The following SATB2 variants were observed in gnomAD, a reference collection of about 807,000 sequenced individuals.
The protein encoded by SATB2 is DNA-binding protein SATB2.
SATB2 carries 1 observed loss-of-function variant against 73.4 expected under a neutral mutation model. The ratio of observed to expected loss-of-function variants is 0.01; its 90% CI spans 0.00 to 0.06. SATB2 has a LOEUF of 0.06. SATB2 is among the 10% of genes least tolerant of loss of function. The pLI, the probability that SATB2 is intolerant of heterozygous loss-of-function variation, is 1.00. For missense variants in SATB2, 459 were observed against 945.8 expected (o/e 0.49, Z 6.75); for synonymous variants, 397 against 367.0 (o/e 1.08, Z -0.93).
chr2:199,281,260 A>ATG (rs1338096142), intron 10 of SATB2, among the ~76,000 whole-genome samples: 250 of 24,902 alleles, frequency 0.01, no homozygotes, highest in African/African-American at 0.011. Context: ...GTGTGTATGT[A>ATG]TGTATGTGTG....
At chr2:199,376,934 G>A (rs1484349822) in intron 5 of SATB2, among the ~76,000 whole-genome samples, 1 of 152,170 alleles carries the variant, frequency 6.6e-6, no homozygotes, top group Non-Finnish European at 1.5e-5. Flanking sequence ...GTGTCAAACT[G>A]AAGGACTCTA....
chr2:199,439,223 T>G (rs1691738527), intron 2 of SATB2, among the ~76,000 whole-genome samples: 1 of 152,268 alleles, frequency 6.6e-6, no homozygotes, highest in African/African-American at 2.4e-5. Context: ...AAATCAGCAC[T>G]GTCTCCAGCC....
chr2:199,330,675 C>G (rs536621842), intron 7 of SATB2, among the ~76,000 whole-genome samples: 1 of 152,182 alleles, frequency 6.6e-6, no homozygotes, highest in African/African-American at 2.4e-5. Context: ...CTGCCTAAAG[C>G]TATCCTACTT....
intron 10 of SATB2, among the ~76,000 whole-genome samples, chr2:199,277,443 A>T (rs1456227573): frequency 1.3e-5 from 2 of 152,218 alleles, no homozygotes; most frequent in Admixed American, 1.3e-4. Flanking sequence ...TGGAATATTT[A>T]ATTCTGTAAG....
At chr2:199,293,782 T>C (rs1018529955) in intron 10 of SATB2, among the ~76,000 whole-genome samples, 5 of 152,134 alleles carry the variant, frequency 3.3e-5, no homozygotes, top group Admixed American at 1.3e-4. Context: ...ACCACTGCCA[T>C]GATTTACCAC....
At chr2:199,347,019 C>G (rs992351268) in intron 7 of SATB2, 1 of 151,968 alleles carries the variant, frequency 6.6e-6, no homozygotes, top group East Asian at 1.9e-4. Context: ...CGCATCACCA[C>G]GCCCAGCTAA....
chr2:199,467,170 C>T (rs4675614), upstream of SATB2, among the ~76,000 whole-genome samples: 715 of 152,354 alleles, frequency 4.7e-3, 30 homozygotes, highest in East Asian at 0.065. Context: ...TCAGGCCTTT[C>T]TAATACAGGC....
chr2:199,433,584 G>A (rs1244614682), intron 2 of SATB2, 70 bp from the exon 3 acceptor site: 2 of 1,416,800 alleles, frequency 1.4e-6, no homozygotes, highest in Non-Finnish European at 2.0e-6. Flanking sequence ...CGATGAGAAG[G>A]GAAGCAACAG....
intron 7 of SATB2, chr2:199,347,458 C>A (rs759977175): frequency 2.0e-5 from 3 of 152,142 alleles, no homozygotes; most frequent in Non-Finnish European, 4.4e-5. Flanking sequence ...TCTTCTTCTT[C>A]ATCATCTTTG....
Position 199,272,144 on chromosome 2 carries a change from A to T in SATB2, c.*67T>A. On this transcript the variant is annotated 3_prime_UTR_variant, in exon 11 of 11. Transcript: ENST00000417098. This position sits in a 1 kb window ranked among gnomAD's most constrained non-coding sequence, Gnocchi z 6.7. ...AAAACAAAAAACAAACTAACAAAAA[A>T]CTTTTAAAGAAATGAAAGCAGAAAA... is the stretch of plus-strand genomic sequence containing the variant. The T allele has an allele frequency of 6.7e-7, 1 of 1,495,786 alleles. No homozygotes were observed. Among genetic ancestry groups the T allele is most frequent in the Non-Finnish European group, 9.3e-7 (1 of 1,078,440 alleles). 92.7% of individuals were successfully genotyped at this position (1,495,786 alleles called of 1,614,324 possible).
intron 9 of SATB2, among the ~76,000 whole-genome samples, chr2:199,321,799 G>A (rs960358118): frequency 6.6e-6 from 1 of 151,780 alleles, no homozygotes; most frequent in Non-Finnish European, 1.5e-5. Flanking sequence ...TAAACATAGT[G>A]CCTGAATTGC....
At chr2:199,467,283 G>C (rs1356231493), upstream of SATB2, 1 of 152,272 alleles carries the variant, frequency 6.6e-6, no homozygotes, top group East Asian at 1.9e-4. Flanking sequence ...GCTCTCCCCA[G>C]CCCGAGGCCT....
At chr2:199,379,902 C>A (rs981546835) in intron 5 of SATB2, among the ~76,000 whole-genome samples, 1 of 150,214 alleles carries the variant, frequency 6.7e-6, no homozygotes, top group Admixed American at 6.6e-5. Context: ...TTTTAAGAAC[C>A]ACCCAGGGTC....
chr2:199,407,482 A>C (rs551536744), intron 3 of SATB2, among the ~76,000 whole-genome samples: 1 of 152,284 alleles, frequency 6.6e-6, no homozygotes, highest in African/African-American at 2.4e-5. Context: ...GAATCTTATC[A>C]AAGAGGTTAC....
intron 3 of SATB2, among the ~76,000 whole-genome samples, chr2:199,417,994 G>T (rs1336395010): frequency 6.6e-6 from 1 of 152,168 alleles, no homozygotes; most frequent in Non-Finnish European, 1.5e-5. Flanking sequence ...ATGAATTGAA[G>T]CTACAGAAAA....
intron 7 of SATB2, among the ~76,000 whole-genome samples, chr2:199,330,550 T>C (rs952944491): frequency 2.0e-5 from 3 of 152,200 alleles, no homozygotes; most frequent in African/African-American, 7.2e-5. Context: ...TGGTACATGA[T>C]TCTTAAAACA....
intron 9 of SATB2, among the ~76,000 whole-genome samples, chr2:199,310,162 C>T (rs944230583): frequency 2.0e-5 from 3 of 152,112 alleles, no homozygotes; most frequent in Non-Finnish European, 4.4e-5. Context: ...TGCAGCACCG[C>T]GAAGAGACAA....
intron 10 of SATB2, among the ~76,000 whole-genome samples, chr2:199,274,010 G>T (rs1234781168): frequency 6.6e-6 from 1 of 152,182 alleles, no homozygotes; most frequent in African/African-American, 2.4e-5. Flanking sequence ...ACTAAAATGT[G>T]TCATGTTGGC....
intron 5 of SATB2, 101 bp downstream of exon 5, chr2:199,380,263 A>G (rs1689730121): frequency 7.0e-7 from 1 of 1,426,920 alleles, no homozygotes; most frequent in Admixed American, 1.7e-5. Flanking sequence ...GTCTATAAAT[A>G]AAAGACAGAG....
Sources: allele counts gnomAD v4.1 joint callset (sites outside exome capture counted in the v4.1 genomes callset), GRCh38; gene constraint gnomAD v4.1.1; non-coding constraint Gnocchi (gnomAD v3.1); transcripts MANE v1.5; gene names NCBI Gene and HGNC (gene_info 2026-07-23, HGNC 2026-07-21).